RAMP2: variants seen among roughly 807,000 people sequenced by gnomAD.
The protein encoded by RAMP2 is receptor activity modifying protein 2.
Under a neutral mutation model 18.2 loss-of-function variants are expected in RAMP2, and 11 were observed. That is an observed-to-expected ratio of 0.60 (90% confidence interval 0.38 to 1.00). The LOEUF (loss-of-function observed/expected upper bound fraction) is 1.00. Among genes scored for constraint, RAMP2 ranks in the 50% least tolerant of loss-of-function variants. The pLI, the probability that RAMP2 is intolerant of heterozygous loss-of-function variation, is 0.01. For missense variants in RAMP2, 191 were observed against 226.5 expected (o/e 0.84, Z 1.01); for synonymous variants, 86 against 90.8 (o/e 0.95, Z 0.30).
chr17:42,762,141 T>A (rs546197103), intron 2 of RAMP2, among the ~76,000 whole-genome samples: 1 of 152,318 alleles, frequency 6.6e-6, no homozygotes, highest in Middle Eastern at 3.4e-3. Context: ...ACGTGGAAGT[T>A]CTTATCAGGC....
At chr17:42,762,009 C>A in intron 2 of RAMP2, 110 bp downstream of exon 2, 1 of 1,042,194 alleles carries the variant, frequency 9.6e-7, no homozygotes, top group Admixed American at 2.1e-5. Context: ...TGCCCCACTA[C>A]ACTCCCCTCT....
In RAMP2 at chr17:42,761,788, C is replaced by T. The variant is rs745759218; in HGVS notation, c.98-46C>T. 1.3e-6 allele frequency: 2 copies of T among 1,503,834 alleles called. No individual in the cohort carries two copies. Among genetic ancestry groups the T allele is most frequent in the Admixed American group, 1.7e-5 (1 of 59,632 alleles). The allele number at this position is 1,503,834 out of a possible 1,614,324, so 93.2% of individuals were successfully genotyped here. On this transcript the variant is annotated intron_variant, in intron 1 of 3. Coordinates refer to ENST00000253796, the MANE Select transcript of RAMP2 (RefSeq NM_005854.3). The surrounding 1 kb of genome is among the most constrained non-coding windows in gnomAD (Gnocchi z 4.2). The stretch of plus-strand genomic sequence containing the variant: ...CCAACCCCCCTCGCAGGCTCCACTG[C>T]CGGGGTCCCCGCTATGTTACCCTCC...
Position 42,762,836 on chromosome 17 carries a change from G to A in RAMP2, c.512G>A (p.Ser171Asn). ...ITLVVWRSKD[S>N]EAQA is the part of the protein sequence containing the mutation. ...CTTGTAGTATGGAGGAGTAAAGACA[G>A]TGAGGCCCAGGCCTAGGGGGCCACG... The change falls in exon 4 of 4, where the codon AGT (serine) becomes AAT (asparagine). Residue 171 changes from serine to asparagine, a missense_variant. Transcript: ENST00000253796. 6.2e-7 allele frequency: 1 copy of A among 1,604,080 alleles called. No homozygotes were observed. The highest frequency in any genetic ancestry group is 8.5e-7 in the Non-Finnish European group (1 of 1,173,080).
chr17:42,762,778 G>GC lies in RAMP2; in HGVS notation c.459dup (p.Ile154HisfsTer16). ...GGATGTACTCCTGGCCATGATCATA[G>GC]CCCCCATCTGCCTCATCCCCTTCCT... On this transcript the variant is annotated frameshift_variant, in exon 4 of 4. Transcript: ENST00000253796. LOFTEE classifies it high-confidence loss of function. 1 of 1,613,922 alleles carries GC rather than the reference G, an allele frequency of 6.2e-7. No homozygotes were observed. Among genetic ancestry groups the GC allele is most frequent in the Non-Finnish European group, 8.5e-7 (1 of 1,179,930 alleles).
chr17:42,761,478 C>A lies in RAMP2; in HGVS notation c.97+120C>A. On this transcript the variant is annotated intron_variant, in intron 1 of 3. Coordinates refer to ENST00000253796, the MANE Select transcript of RAMP2 (RefSeq NM_005854.3). The surrounding 1 kb of genome is among the most constrained non-coding windows in gnomAD (Gnocchi z 4.2). ...CGGGCCCTGGGGTGCGGGTTAGGAC[C>A]GACGTACCTAGCAGCACTGGCCCTC... is the stretch of plus-strand genomic sequence containing the variant. 1 of 850,964 alleles carries A rather than the reference C, an allele frequency of 1.2e-6. No individual in the cohort carries two copies. Among genetic ancestry groups the A allele is most frequent in the Non-Finnish European group, 1.7e-6 (1 of 601,078 alleles). The allele number at this position is 850,964 out of a possible 1,614,324, so 52.7% of individuals were successfully genotyped here.
At position 42,761,774 on chromosome 17, in the gene RAMP2, C is replaced by G. The variant is rs1053399370; in HGVS notation, c.98-60C>G. 6.3e-6 allele frequency: 9 copies of G among 1,432,738 alleles called. No homozygotes were observed. Among genetic ancestry groups the G allele is most frequent in the Non-Finnish European group, 8.8e-6 (9 of 1,017,992 alleles). The allele number at this position is 1,432,738 out of a possible 1,614,324, so 88.8% of individuals were successfully genotyped here. A position where few individuals can be genotyped will look rare whatever the true frequency, so the allele number is the denominator to read the frequency against. ...AGGGTCTCAGTCCCCCAACCCCCCT[C>G]GCAGGCTCCACTGCCGGGGTCCCCG... On this transcript the variant is annotated intron_variant, in intron 1 of 3. Transcript: ENST00000253796. The surrounding 1 kb of genome is among the most constrained non-coding windows in gnomAD (Gnocchi z 4.2).
Position 42,761,928 on chromosome 17 carries a change from C to A in RAMP2, c.163+29C>A. 2.0e-6 allele frequency: 3 copies of A among 1,529,764 alleles called. No homozygotes were observed. The highest frequency in any genetic ancestry group is 1.8e-6 in the Non-Finnish European group (2 of 1,106,798). 94.8% of individuals were successfully genotyped at this position (1,529,764 alleles called of 1,614,324 possible). ...GGTACCCAGGGTGTGGAAGGGTGGC[C>A]GAGGGTAAGGACGAGAGCAAGTTCA... On this transcript the variant is annotated intron_variant, in intron 2 of 3. Coordinates refer to ENST00000253796, the MANE Select transcript of RAMP2 (RefSeq NM_005854.3). This position sits in a 1 kb window ranked among gnomAD's most constrained non-coding sequence, Gnocchi z 4.2.
intron 3 of RAMP2, 45 bp from the exon 4 acceptor site, chr17:42,762,552 C>T: frequency 6.2e-7 from 1 of 1,603,106 alleles, no homozygotes; most frequent in Non-Finnish European, 8.5e-7. Flanking sequence ...CACTCTTCTC[C>T]CTGGGTCCAC....
rs1318947095 is a variant in RAMP2 at position 42,761,587 on chromosome 17, C to G, written c.97+229C>G. 6.6e-6 allele frequency among the ~76,000 whole-genome samples: 1 copy of G among 152,168 alleles called. No homozygotes were observed. The highest frequency in any genetic ancestry group is 1.5e-5 in the Non-Finnish European group (1 of 68,016). ...AAAGCTGGGGTGCTGGCCCCGGCCC[C>G]TCGAAGAGGGCTTAGGAGGACGGAA... On this transcript the variant is annotated intron_variant, in intron 1 of 3. Coordinates refer to ENST00000253796, the MANE Select transcript of RAMP2 (RefSeq NM_005854.3). The surrounding 1 kb of genome is among the most constrained non-coding windows in gnomAD (Gnocchi z 4.2).
At position 42,761,257 on chromosome 17, in the gene RAMP2, G is replaced by A; in HGVS notation, c.-5G>A. 3 of 1,461,552 alleles carry A rather than the reference G, an allele frequency of 2.1e-6. No individual in the cohort carries two copies. The highest frequency in any genetic ancestry group is 2.7e-6 in the Non-Finnish European group (3 of 1,112,994). 90.5% of individuals were successfully genotyped at this position (1,461,552 alleles called of 1,614,324 possible). On this transcript the variant is annotated 5_prime_UTR_variant, in exon 1 of 4. Transcript: ENST00000253796. The surrounding 1 kb of genome is among the most constrained non-coding windows in gnomAD (Gnocchi z 4.2). ...CGCCGCCGCTCCTCGCCTCCTTGCT[G>A]CACGATGGCCTCGCTCCGGGTGGAG...
chr17:42,761,760 C>A lies in RAMP2; in HGVS notation c.98-74C>A, dbSNP rs1597885186. The A allele has an allele frequency of 1.5e-6, 2 of 1,314,260 alleles. No individual in the cohort carries two copies. Among genetic ancestry groups the A allele is most frequent in the East Asian group, 2.4e-5 (1 of 42,428 alleles). 81.4% of individuals were successfully genotyped at this position (1,314,260 alleles called of 1,614,324 possible). ...TAGCCTATTTTCGGAGGGTCTCAGTCCCCCAACCCCCCTCGCAGGCTCCAC... is the reference window on the plus strand; with the variant it reads ...TAGCCTATTTTCGGAGGGTCTCAGTACCCCAACCCCCCTCGCAGGCTCCAC... On this transcript the variant is annotated intron_variant, in intron 1 of 3. Coordinates refer to ENST00000253796, the MANE Select transcript of RAMP2 (RefSeq NM_005854.3). The surrounding 1 kb of genome is among the most constrained non-coding windows in gnomAD (Gnocchi z 4.2).
rs961269412 is a variant in RAMP2 at position 42,761,679 on chromosome 17, C to T, written c.98-155C>T. ...ACAAGGAGCTGGTGCCAGCCCCTCC[C>T]TCCCCGGCACTGAGGCGTCCGTGGG... is the stretch of plus-strand genomic sequence containing the variant. On this transcript the variant is annotated intron_variant, in intron 1 of 3. Transcript: ENST00000253796. This position sits in a 1 kb window ranked among gnomAD's most constrained non-coding sequence, Gnocchi z 4.2. Among the ~76,000 whole-genome samples, 1 of 152,200 alleles carries T rather than the reference C, an allele frequency of 6.6e-6. No individual in the cohort carries two copies. Among genetic ancestry groups the T allele is most frequent in the African/African-American group, 2.4e-5 (1 of 41,458 alleles).
In RAMP2 at chr17:42,761,285, C is replaced by T. The variant is rs954095060; in HGVS notation, c.24C>T (p.Arg8=). 5 of 1,386,188 alleles carry T rather than the reference C, an allele frequency of 3.6e-6. No individual in the cohort carries two copies. The highest frequency in any genetic ancestry group is 1.6e-5 in the South Asian group (1 of 62,782). The allele number at this position is 1,386,188 out of a possible 1,614,324, so 85.9% of individuals were successfully genotyped here. The change falls in exon 1 of 4, where the codon CGC becomes CGT. Residue 8 remains arginine, a synonymous_variant. Transcript: ENST00000253796. This position sits in a 1 kb window ranked among gnomAD's most constrained non-coding sequence, Gnocchi z 4.2. ...CGATGGCCTCGCTCCGGGTGGAGCG[C>T]GCCGGCGGCCCGCGTCTCCCTAGGA... MASLRVE[R]AGGPRLPRTR... is the part of the protein sequence containing the mutation.
chr17:42,762,952 C>A lies in RAMP2; in HGVS notation c.*100C>A. On this transcript the variant is annotated 3_prime_UTR_variant, in exon 4 of 4. Transcript: ENST00000253796. ...TCCCTTTTCTCACTCTCATCCCCACCACAGATCCCTGGATTGCTGGGAATG... is the reference window on the plus strand; with the variant it reads ...TCCCTTTTCTCACTCTCATCCCCACAACAGATCCCTGGATTGCTGGGAATG... The A allele has an allele frequency of 7.6e-7, 1 of 1,321,186 alleles. No homozygotes were observed. Among genetic ancestry groups the A allele is most frequent in the Non-Finnish European group, 1.0e-6 (1 of 975,630 alleles). The allele number at this position is 1,321,186 out of a possible 1,614,324, so 81.8% of individuals were successfully genotyped here. A position where few individuals can be genotyped will look rare whatever the true frequency, so the allele number is the denominator to read the frequency against.
Position 42,761,391 on chromosome 17 carries a change from G to T in RAMP2, c.97+33G>T. ...CGGCGCCCCGAGGCCCGGGCGGGAG[G>T]CGCGAGAGGCCCCGGAGGGGAGAGG... On this transcript the variant is annotated intron_variant, in intron 1 of 3. Coordinates refer to ENST00000253796, the MANE Select transcript of RAMP2 (RefSeq NM_005854.3). The surrounding 1 kb of genome is among the most constrained non-coding windows in gnomAD (Gnocchi z 4.2). 7.8e-7 allele frequency: 1 copy of T among 1,283,852 alleles called. No individual in the cohort carries two copies. Among genetic ancestry groups the T allele is most frequent in the Non-Finnish European group, 9.9e-7 (1 of 1,007,564 alleles). The allele number at this position is 1,283,852 out of a possible 1,614,324, so 79.5% of individuals were successfully genotyped here. A position where few individuals can be genotyped will look rare whatever the true frequency, so the allele number is the denominator to read the frequency against.
chr17:42,762,500 G>C, intron 3 of RAMP2, 37 bp downstream of exon 3: 1 of 1,612,744 alleles, frequency 6.2e-7, no homozygotes, highest in Non-Finnish European at 8.5e-7. Context: ...AGGCCAGGGG[G>C]TGGACCTGCT....
chr17:42,761,392 C>T lies in RAMP2; in HGVS notation c.97+34C>T. On this transcript the variant is annotated intron_variant, in intron 1 of 3. Coordinates refer to ENST00000253796, the MANE Select transcript of RAMP2 (RefSeq NM_005854.3). This position sits in a 1 kb window ranked among gnomAD's most constrained non-coding sequence, Gnocchi z 4.2. ...GGCGCCCCGAGGCCCGGGCGGGAGG[C>T]GCGAGAGGCCCCGGAGGGGAGAGGG... 1 of 1,276,086 alleles carries T rather than the reference C, an allele frequency of 7.8e-7. No individual in the cohort carries two copies. Among genetic ancestry groups the T allele is most frequent in the Non-Finnish European group, 1.0e-6 (1 of 1,001,710 alleles). 79.0% of individuals were successfully genotyped at this position (1,276,086 alleles called of 1,614,324 possible).
chr17:42,762,384 G>A lies in RAMP2; in HGVS notation c.193G>A (p.Val65Ile). ...GACGGTGAAGAACTATGAGACAGCT[G>A]TCCAATTTTGCTGGAATCATTATAA... ...GGTVKNYETA[V>I]QFCWNHYKDQ... Residue 65 changes from valine (V) to isoleucine (I), a missense_variant, in exon 3 of 4, where the codon GTC (valine) becomes ATC (isoleucine). Val to Ile is a conservative substitution (Grantham distance 29). Transcript: ENST00000253796. 1 of 1,614,112 alleles carries A rather than the reference G, an allele frequency of 6.2e-7. No individual in the cohort carries two copies.
Position 42,761,266 on chromosome 17 carries a change from C to T in RAMP2, c.5C>T (p.Ala2Val). The change falls in exon 1 of 4, where the codon GCC becomes GTC. Residue 2 changes from alanine (A) to valine (V), a missense_variant. Physicochemically the swap from Ala to Val is moderately conservative, Grantham distance 64. Transcript: ENST00000253796. The surrounding 1 kb of genome is among the most constrained non-coding windows in gnomAD (Gnocchi z 4.2). The part of the protein sequence containing the change: M[A>V]SLRVERAGGP... ...TCCTCGCCTCCTTGCTGCACGATGG[C>T]CTCGCTCCGGGTGGAGCGCGCCGGC... 14 of 1,456,642 alleles carry T rather than the reference C, an allele frequency of 9.6e-6. No homozygotes were observed. Among genetic ancestry groups the T allele is most frequent in the Non-Finnish European group, 1.2e-5 (13 of 1,110,726 alleles). 90.2% of individuals were successfully genotyped at this position (1,456,642 alleles called of 1,614,324 possible).
Sources: gnomAD v4.1 joint callset for allele counts (sites outside exome capture counted in the v4.1 genomes callset) on GRCh38, gnomAD v4.1.1 for gene constraint, Gnocchi (gnomAD v3.1) non-coding constraint, MANE v1.5 for transcripts, NCBI Gene and HGNC (gene_info 2026-07-23, HGNC 2026-07-21) for gene names.